The following PDE7A variants were observed in gnomAD, a reference collection of about 807,000 sequenced individuals.
PDE7A encodes the protein phosphodiesterase 7A, also known as high affinity 3',5'-cyclic-AMP phosphodiesterase 7A.
Under a neutral mutation model 64.3 loss-of-function variants are expected in PDE7A, and 39 were observed. That is an observed-to-expected ratio of 0.61 (90% CI 0.47 to 0.79). The LOEUF is 0.79. Ranked by LOEUF, PDE7A falls within the 30% of genes least tolerant of loss-of-function variation. PDE7A has a pLI of 0.00. For synonymous variants in PDE7A, 203 were observed against 206.8 expected (o/e 0.98, Z 0.16); for missense variants, 470 against 582.8 (o/e 0.81, Z 1.99).
intron 7 of PDE7A, 124 bp from the exon 8 acceptor site, chr8:65,727,425 C>T (rs1340658887): frequency 5.8e-6 from 8 of 1,386,190 alleles, no homozygotes; most frequent in Non-Finnish European, 7.7e-6. Context: ...CACGTCATTC[C>T]TCAGGTGGTT....
chr8:65,754,129 T>G (rs1808102931), intron 3 of PDE7A, among the ~76,000 whole-genome samples: 1 of 152,098 alleles, frequency 6.6e-6, no homozygotes, highest in Non-Finnish European at 1.5e-5. Context: ...AGTCTGATGT[T>G]TGAGGGATCC....
chr8:65,739,610 A>G lies in PDE7A; in HGVS notation c.500-13T>C. On this transcript the variant is annotated splice_polypyrimidine_tract_variant and intron_variant, in intron 5 of 12. Transcript: ENST00000401827. ...ACTAGACTATTTCCTAAAAAGAAAG[A>G]AGAGACATTACATTAGTAGGAAATA... The G allele has an allele frequency of 6.6e-7, 1 of 1,505,858 alleles. No homozygotes were observed. The highest frequency in any genetic ancestry group is 8.8e-7 in the Non-Finnish European group (1 of 1,131,534). 93.3% of individuals were successfully genotyped at this position (1,505,858 alleles called of 1,614,324 possible). A position where few individuals can be genotyped will look rare whatever the true frequency, so the allele number is the denominator to read the frequency against.
chr8:65,724,690 T>C lies in PDE7A; in HGVS notation c.1065+87A>G, dbSNP rs946220578. 7.5e-6 allele frequency: 9 copies of C among 1,194,916 alleles called. No homozygotes were observed. The Admixed American group carries it at 1.8e-4, about 25-fold the overall frequency. 74.0% of individuals were successfully genotyped at this position (1,194,916 alleles called of 1,614,324 possible). A position where few individuals can be genotyped will look rare whatever the true frequency, so the allele number is the denominator to read the frequency against. On this transcript the variant is annotated intron_variant, in intron 10 of 12. Coordinates refer to ENST00000401827, the MANE Select transcript of PDE7A (RefSeq NM_001242318.3). The stretch of plus-strand genomic sequence containing the variant: ...GCTTGCCCTCAAGATTTAACCATTC[T>C]GAAAAACTACACTAGAATATTCATT...
intron 1 of PDE7A, among the ~76,000 whole-genome samples, chr8:65,830,824 G>A (rs1810799157): frequency 6.6e-6 from 1 of 151,810 alleles, no homozygotes; most frequent in Non-Finnish European, 1.5e-5. Flanking sequence ...CTAAATTCAT[G>A]AATGAATTTC....
Position 65,832,227 on chromosome 8 carries a change from T to C in PDE7A, c.138+9144A>G, listed in dbSNP as rs1810844345. Among the ~76,000 whole-genome samples the C allele has an allele frequency of 2.0e-5, 3 of 152,152 alleles. No individual in the cohort carries two copies. In the South Asian group the frequency reaches 6.2e-4, roughly 31 times the overall value. Reference sequence around the variant, plus strand: ...TCCATTGAGCCATTTGTAAACTATATTTTTATATATCCTTTAAATTTTTCA... The same window carrying C: ...TCCATTGAGCCATTTGTAAACTATACTTTTATATATCCTTTAAATTTTTCA... On this transcript the variant is annotated intron_variant, in intron 1 of 12. Coordinates refer to ENST00000401827, the MANE Select transcript of PDE7A (RefSeq NM_001242318.3).
Position 65,739,779 on chromosome 8 carries a change from A to G in PDE7A, c.500-182T>C, listed in dbSNP as rs571583223. Among the ~76,000 whole-genome samples, 11 of 152,350 alleles carry G rather than the reference A, an allele frequency of 7.2e-5. No homozygotes were observed. The East Asian group carries it at 1.3e-3, about 19-fold the overall frequency. On this transcript the variant is annotated intron_variant, in intron 5 of 12. Coordinates refer to ENST00000401827, the MANE Select transcript of PDE7A (RefSeq NM_001242318.3). ...TTTATATGTCACATCTTGTTTCATT[A>G]TAAGAAAAATTTAATTTTTGTTGTT...
chr8:65,776,319 A>T (rs1430912804), intron 3 of PDE7A, among the ~76,000 whole-genome samples: 1 of 152,126 alleles, frequency 6.6e-6, no homozygotes, highest in African/African-American at 2.4e-5. Flanking sequence ...TTCTATTGTC[A>T]GTCCTTGAAT....
At chr8:65,762,436 C>G (rs1808545185) in intron 3 of PDE7A, among the ~76,000 whole-genome samples, 1 of 152,166 alleles carries the variant, frequency 6.6e-6, no homozygotes, top group Non-Finnish European at 1.5e-5. Context: ...AGAGGCAGAG[C>G]AGCAAAGTAC....
intron 1 of PDE7A, among the ~76,000 whole-genome samples, chr8:65,823,380 T>C (rs995360507): frequency 1.3e-5 from 2 of 152,232 alleles, no homozygotes; most frequent in Admixed American, 6.5e-5. Flanking sequence ...TGTCCTCTTG[T>C]ATGTTATTAT....
chr8:65,770,162 T>TGTGC (rs1424194989), intron 3 of PDE7A, among the ~76,000 whole-genome samples: 7 of 142,628 alleles, frequency 4.9e-5, no homozygotes, highest in African/African-American at 8.1e-5. Context: ...TGTGTGTGTG[T>TGTGC]GCCACACCTA....
intron 3 of PDE7A, among the ~76,000 whole-genome samples, chr8:65,754,087 C>T (rs1808099574): frequency 1.3e-5 from 2 of 152,106 alleles, no homozygotes; most frequent in Non-Finnish European, 2.9e-5. Flanking sequence ...GCAAGGAAAG[C>T]AAGTCTGAGT....
intron 3 of PDE7A, among the ~76,000 whole-genome samples, chr8:65,758,480 C>T (rs1325654938): frequency 6.6e-6 from 1 of 152,172 alleles, no homozygotes; most frequent in Non-Finnish European, 1.5e-5. Flanking sequence ...TCAGCATCCT[C>T]CACAACCCCT....
chr8:65,820,719 A>G (rs571947612), intron 1 of PDE7A, among the ~76,000 whole-genome samples: 1 of 152,158 alleles, frequency 6.6e-6, no homozygotes, highest in Non-Finnish European at 1.5e-5. Context: ...CCTCTCAAGT[A>G]GCTGGGACTA....
intron 1 of PDE7A, among the ~76,000 whole-genome samples, chr8:65,805,724 G>C (rs1416043051): frequency 1.3e-5 from 2 of 152,082 alleles, no homozygotes; most frequent in African/African-American, 4.8e-5. Context: ...CTCGTGTCTT[G>C]CTGCTGCCTA....
intron 7 of PDE7A, among the ~76,000 whole-genome samples, chr8:65,733,025 T>C (rs1806964459): frequency 6.6e-6 from 1 of 152,160 alleles, no homozygotes; most frequent in African/African-American, 2.4e-5. Flanking sequence ...GACTCCATTT[T>C]AAAATGTTCA....
At chr8:65,760,128 T>C (rs940241094) in intron 3 of PDE7A, among the ~76,000 whole-genome samples, 2 of 151,630 alleles carry the variant, frequency 1.3e-5, no homozygotes, top group African/African-American at 4.9e-5. Context: ...TAATACCAGC[T>C]ACTTGAGAGG....
intron 3 of PDE7A, among the ~76,000 whole-genome samples, chr8:65,753,866 A>C (rs1410233756): frequency 6.6e-6 from 1 of 151,574 alleles, no homozygotes; most frequent in African/African-American, 2.4e-5. Context: ...ATCAACATAC[A>C]ATGCCTTTTA....
At chr8:65,764,229 A>T (rs552601613) in intron 3 of PDE7A, among the ~76,000 whole-genome samples, 1 of 152,332 alleles carries the variant, frequency 6.6e-6, no homozygotes, top group South Asian at 2.1e-4. Flanking sequence ...ATCGCCATAA[A>T]CTATTAAAGA....
chr8:65,802,628 T>C (rs1810019138), intron 1 of PDE7A, among the ~76,000 whole-genome samples: 3 of 152,236 alleles, frequency 2.0e-5, no homozygotes, highest in Admixed American at 1.3e-4. Context: ...TAGATACTGA[T>C]GGTATTCATA....
Sources: allele counts gnomAD v4.1 joint callset (sites outside exome capture counted in the v4.1 genomes callset), GRCh38; gene constraint gnomAD v4.1.1; transcripts MANE v1.5; gene names NCBI Gene and HGNC (gene_info 2026-07-23, HGNC 2026-07-21).